IL19: variants seen among roughly 807,000 people sequenced by gnomAD.
The protein encoded by IL19 is interleukin 19, also known as interleukin-19.
A neutral mutation model predicts 19.5 loss-of-function variants in IL19; 15 were observed. The ratio of observed to expected loss-of-function variants is 0.77; its 90% CI spans 0.52 to 1.19. The LOEUF is 1.19. IL19 is among the 50% of genes most tolerant of loss of function. The pLI is 0.00. For synonymous variants in IL19, 78 were observed against 78.3 expected, an observed-to-expected ratio of 1.00 and a Z score of 0.02; for missense variants, 199 against 213.1, an observed-to-expected ratio of 0.93 and a Z score of 0.41.
chr1:206,826,700 G>GA (rs1388158979), intron 2 of IL19, among the ~76,000 whole-genome samples: 2 of 152,114 alleles, frequency 1.3e-5, no homozygotes, highest in African/African-American at 2.4e-5. Flanking sequence ...ACAATAAGAG[G>GA]AAAAAACCAC....
intron 2 of IL19, among the ~76,000 whole-genome samples, chr1:206,802,142 C>A (rs1045505823): frequency 1.3e-5 from 2 of 152,172 alleles, no homozygotes; most frequent in Non-Finnish European, 2.9e-5. Flanking sequence ...TGTATTGGCA[C>A]TGATCCATAG....
At chr1:206,807,302 A>C in intron 2 of IL19, among the ~76,000 whole-genome samples, 1 of 152,208 alleles carries the variant, frequency 6.6e-6, no homozygotes, top group Non-Finnish European at 1.5e-5. Flanking sequence ...TATGGCATGT[A>C]GAGTCAACTC....
rs116126622 is a variant in IL19, at chr1:206,798,864, G to T, written c.-145G>T. ...CTCTCTATGATTTTCTCCATAGAGC[G>T]GTGCTTGCACACACTGACAGGAGTC... On this transcript the variant is annotated 5_prime_UTR_variant, in exon 2 of 7. Transcript: ENST00000659997. 6.9e-7 allele frequency: 1 copy of T among 1,459,208 alleles called. No individual in the cohort carries two copies. The highest frequency in any genetic ancestry group is 9.6e-7 in the Non-Finnish European group (1 of 1,045,284). 90.4% of individuals were successfully genotyped at this position (1,459,208 alleles called of 1,614,324 possible).
chr1:206,797,640 A>G (rs1553439396), intron 1 of IL19, among the ~76,000 whole-genome samples: 1 of 152,178 alleles, frequency 6.6e-6, no homozygotes. Context: ...CTTTTTTCTC[A>G]AGGACATTTC....
chr1:206,786,136 C>A (rs1459864954), intron 1 of IL19, among the ~76,000 whole-genome samples: 1 of 152,036 alleles, frequency 6.6e-6, no homozygotes, highest in East Asian at 1.9e-4. Flanking sequence ...CCAAAGATAC[C>A]CTATCATATC....
At chr1:206,809,117 G>A (rs910546398) in intron 2 of IL19, among the ~76,000 whole-genome samples, 1 of 152,164 alleles carries the variant, frequency 6.6e-6, no homozygotes, top group Non-Finnish European at 1.5e-5. Flanking sequence ...CCCCATGGGT[G>A]TTGCCCCCAC....
chr1:206,818,096 C>T (rs1558616987), intron 2 of IL19, among the ~76,000 whole-genome samples: 1 of 152,116 alleles, frequency 6.6e-6, no homozygotes, highest in Non-Finnish European at 1.5e-5. Context: ...ACCCATTTCT[C>T]AATAATCCAT....
intron 1 of IL19, among the ~76,000 whole-genome samples, chr1:206,794,259 G>A (rs1370074622): frequency 6.6e-6 from 1 of 152,142 alleles, no homozygotes; most frequent in Non-Finnish European, 1.5e-5. Context: ...GCTCTTATTG[G>A]GAGGATAAAA....
intron 1 of IL19, among the ~76,000 whole-genome samples, chr1:206,795,658 G>A (rs1023796964): frequency 2.0e-5 from 3 of 152,106 alleles, no homozygotes; most frequent in African/African-American, 2.4e-5. Context: ...GACTTGGGGC[G>A]ATTTGCTATG....
intron 2 of IL19, among the ~76,000 whole-genome samples, chr1:206,811,400 C>T (rs934881594): frequency 3.4e-5 from 5 of 147,440 alleles, no homozygotes; most frequent in Admixed American, 2.1e-4. Flanking sequence ...GCCGAGATCT[C>T]GCCACTGCAC....
At chr1:206,773,962 T>C (rs187427424) in intron 1 of IL19, among the ~76,000 whole-genome samples, 19 of 152,270 alleles carry the variant, frequency 1.2e-4, no homozygotes, top group Middle Eastern at 3.4e-3. Context: ...CCAGGGAGCA[T>C]TGAGCTTAAG....
At chr1:206,791,807 G>A (rs1365559177) in intron 1 of IL19, among the ~76,000 whole-genome samples, 5 of 152,168 alleles carry the variant, frequency 3.3e-5, no homozygotes, top group African/African-American at 1.2e-4. Flanking sequence ...CTGGCCAACT[G>A]AACACTTTTA....
chr1:206,778,432 G>A (rs1319115546), intron 1 of IL19, among the ~76,000 whole-genome samples: 1 of 152,124 alleles, frequency 6.6e-6, no homozygotes, highest in East Asian at 1.9e-4. Context: ...TGAGTGTGGG[G>A]CACAAATGGA....
intron 2 of IL19, among the ~76,000 whole-genome samples, chr1:206,799,867 G>T (rs1402072180): frequency 6.6e-6 from 1 of 152,156 alleles, no homozygotes; most frequent in African/African-American, 2.4e-5. Context: ...CCTCTCTCCT[G>T]AATACCCACA....
rs773541936 is a variant in IL19 at position 206,834,048 on chromosome 1, A to C, written c.-2-2613A>C. The C allele has an allele frequency of 1.2e-3, 1,166 of 985,458 alleles. 2 individuals carry two copies. Among genetic ancestry groups the C allele is most frequent in the Non-Finnish European group, 1.4e-3 (1,130 of 829,942 alleles). 61.0% of individuals were successfully genotyped at this position (985,458 alleles called of 1,614,324 possible). On this transcript the variant is annotated intron_variant, in intron 2 of 6. Transcript: ENST00000659997. ...CACTTGGTAACGTGCCACAGCTCTCAGGAAAGTGACCTAAGTTGGATTTTT... is the reference window on the plus strand; with the variant it reads ...CACTTGGTAACGTGCCACAGCTCTCCGGAAAGTGACCTAAGTTGGATTTTT...
intron 1 of IL19, among the ~76,000 whole-genome samples, chr1:206,792,352 T>A (rs1675428542): frequency 6.6e-6 from 1 of 152,144 alleles, no homozygotes; most frequent in Non-Finnish European, 1.5e-5. Flanking sequence ...TTATGAGCAG[T>A]GATGGATGCT....
chr1:206,801,369 G>A (rs1485475774), intron 2 of IL19, among the ~76,000 whole-genome samples: 2 of 152,182 alleles, frequency 1.3e-5, no homozygotes, highest in Non-Finnish European at 2.9e-5. Context: ...GAGGCGGGGG[G>A]TGGAATGGAG....
At chr1:206,795,976 G>T (rs1032613730) in intron 1 of IL19, among the ~76,000 whole-genome samples, 1 of 144,810 alleles carries the variant, frequency 6.9e-6, no homozygotes, top group African/African-American at 2.6e-5. Context: ...TTATTATAAG[G>T]TATAAGGTAT....
intron 2 of IL19, among the ~76,000 whole-genome samples, chr1:206,833,174 C>T (rs1485406615): frequency 6.6e-6 from 1 of 152,234 alleles, no homozygotes; most frequent in Non-Finnish European, 1.5e-5. Flanking sequence ...AGGCAACATC[C>T]TATTTTATAA....
Sources: allele counts gnomAD v4.1 joint callset (sites outside exome capture counted in the v4.1 genomes callset), GRCh38; gene constraint gnomAD v4.1.1; transcripts MANE v1.5; gene names NCBI Gene and HGNC (gene_info 2026-07-23, HGNC 2026-07-21).